The following BBS9 variants were observed in gnomAD, a reference collection of about 807,000 sequenced individuals.
The protein encoded by BBS9 is Bardet-Biedl syndrome 9.
Under a neutral mutation model 117.7 loss-of-function variants are expected in BBS9, and 89 were observed. That is an observed-to-expected ratio of 0.76 (90% CI 0.64 to 0.90). The LOEUF (loss-of-function observed/expected upper bound fraction) is 0.90, where lower values mean the gene tolerates loss of function less well. Among genes scored for constraint, BBS9 ranks in the 40% least tolerant of loss-of-function variants. The pLI, the probability that BBS9 is intolerant of heterozygous loss-of-function variation, is 0.00. For missense variants in BBS9, 982 were observed against 1,042.2 expected, an observed-to-expected ratio of 0.94 and a Z score of 0.80; for synonymous variants, 379 against 370.9, an observed-to-expected ratio of 1.02 and a Z score of -0.25.
intron 19 of BBS9, among the ~76,000 whole-genome samples, chr7:33,425,637 G>A (rs73314923): frequency 0.02 from 2,978 of 152,272 alleles, 89 homozygotes; most frequent in African/African-American, 0.067. Flanking sequence ...AGCAGCTTGC[G>A]TGTCTGGTCT....
chr7:33,476,389 C>A (rs865999879), intron 19 of BBS9, among the ~76,000 whole-genome samples: 1 of 152,182 alleles, frequency 6.6e-6, no homozygotes, highest in Non-Finnish European at 1.5e-5. Context: ...AGGCATTTCT[C>A]AGGATCCACG....
chr7:33,225,936 C>G (rs932622407), intron 5 of BBS9, among the ~76,000 whole-genome samples: 2 of 152,168 alleles, frequency 1.3e-5, no homozygotes, highest in Non-Finnish European at 2.9e-5. Flanking sequence ...CATATATGTA[C>G]ACATGTGTGT....
chr7:33,243,759 T>G (rs1159829748), intron 5 of BBS9, among the ~76,000 whole-genome samples: 1 of 152,194 alleles, frequency 6.6e-6, no homozygotes, highest in Admixed American at 6.5e-5. Context: ...GTTAAAGTTT[T>G]GGATGGTCTT....
At chr7:33,479,145 G>A (rs1322980302) in intron 19 of BBS9, among the ~76,000 whole-genome samples, 2 of 151,772 alleles carry the variant, frequency 1.3e-5, no homozygotes, top group Admixed American at 6.6e-5. Context: ...GATTTTCTAC[G>A]TGGGTAAATT....
intron 21 of BBS9, among the ~76,000 whole-genome samples, chr7:33,618,939 CGA>C (rs1322432712): frequency 6.6e-6 from 1 of 151,712 alleles, no homozygotes; most frequent in Non-Finnish European, 1.5e-5. Context: ...AAGAAGACAG[CGA>C]GAGAGGAAGA....
At chr7:33,420,769 C>T (rs572133200) in intron 19 of BBS9, among the ~76,000 whole-genome samples, 2 of 152,152 alleles carry the variant, frequency 1.3e-5, no homozygotes, top group African/African-American at 2.4e-5. Flanking sequence ...TCTTTCCAGG[C>T]AGACAGGCCA....
At chr7:33,287,774 T>A (rs1803179147) in intron 9 of BBS9, among the ~76,000 whole-genome samples, 1 of 152,208 alleles carries the variant, frequency 6.6e-6, no homozygotes, top group Admixed American at 6.5e-5. Flanking sequence ...GTTTTGTGTG[T>A]GTAATATTTA....
At chr7:33,517,530 T>C (rs953226968) in intron 20 of BBS9, among the ~76,000 whole-genome samples, 2 of 152,228 alleles carry the variant, frequency 1.3e-5, no homozygotes, top group African/African-American at 4.8e-5. Flanking sequence ...CAGAGTTCTC[T>C]GGCAGGAGTG....
At chr7:33,437,105 T>G (rs1052148223) in intron 19 of BBS9, among the ~76,000 whole-genome samples, 1 of 152,236 alleles carries the variant, frequency 6.6e-6, no homozygotes, top group African/African-American at 2.4e-5. Flanking sequence ...GGAATCTATC[T>G]GTCCATCACA....
intron 19 of BBS9, among the ~76,000 whole-genome samples, chr7:33,487,303 A>G (rs911462383): frequency 6.6e-6 from 1 of 152,206 alleles, no homozygotes; most frequent in Non-Finnish European, 1.5e-5. Flanking sequence ...CTTTCCATGT[A>G]AATTAGCTGA....
At chr7:33,571,866 A>G (rs1281515672) in intron 21 of BBS9, among the ~76,000 whole-genome samples, 2 of 152,074 alleles carry the variant, frequency 1.3e-5, no homozygotes, top group Non-Finnish European at 2.9e-5. Context: ...CAAGGATACC[A>G]TTGGCAATGA....
intron 19 of BBS9, among the ~76,000 whole-genome samples, chr7:33,470,738 A>G (rs1292869479): frequency 6.6e-6 from 1 of 152,196 alleles, no homozygotes; most frequent in Non-Finnish European, 1.5e-5. Context: ...AAGAACAATC[A>G]CACACAAGTT....
intron 9 of BBS9, among the ~76,000 whole-genome samples, chr7:33,294,239 C>A (rs1363573292): frequency 1.3e-5 from 2 of 151,992 alleles, no homozygotes; most frequent in Non-Finnish European, 2.9e-5. Context: ...CCCTCCCCCC[C>A]ATATGCCAAA....
chr7:33,570,790 G>A (rs1164863809), intron 21 of BBS9, among the ~76,000 whole-genome samples: 2 of 152,124 alleles, frequency 1.3e-5, no homozygotes, highest in Non-Finnish European at 2.9e-5. Context: ...AGTGACAAAG[G>A]CACACAACCT....
intron 19 of BBS9, among the ~76,000 whole-genome samples, chr7:33,436,134 CA>C (rs1713090507): frequency 6.6e-6 from 1 of 152,150 alleles, no homozygotes; most frequent in South Asian, 2.1e-4. Context: ...AAGCTGGAGC[CA>C]ACACAGTTTG....
At chr7:33,199,841 C>T (rs1285063255) in intron 5 of BBS9, among the ~76,000 whole-genome samples, 1 of 151,728 alleles carries the variant, frequency 6.6e-6, no homozygotes, top group Non-Finnish European at 1.5e-5. Flanking sequence ...TATTGTTATA[C>T]ATTTAAAAAT....
intron 19 of BBS9, among the ~76,000 whole-genome samples, chr7:33,492,214 CA>C (rs767399661): frequency 3.6e-5 from 4 of 110,620 alleles, no homozygotes; most frequent in East Asian, 2.7e-4. Flanking sequence ...AAAAAAAAAA[CA>C]AAAAAAAAAC....
Position 33,139,772 on chromosome 7 carries a change from G to A in BBS9, c.-11-6470G>A, listed in dbSNP as rs370987090. ...TTTCTCTCCTTGAGACTTTTGAACC[G>A]GCTGATGCAGGAGTGAGCAGAGGAT... is the stretch of plus-strand genomic sequence containing the variant. On this transcript the variant is annotated intron_variant, in intron 1 of 22. Transcript: ENST00000242067. Among the ~76,000 whole-genome samples the A allele has an allele frequency of 1.2e-4, 19 of 152,176 alleles. 1 individual carries two copies. In the East Asian group the frequency reaches 1.4e-3, roughly 11 times the overall value.
Position 33,416,938 on chromosome 7 carries a change from C to T in BBS9, c.2115+28794C>T, listed in dbSNP as rs548228278. 1.1e-4 allele frequency among the ~76,000 whole-genome samples: 16 copies of T among 152,220 alleles called. No individual in the cohort carries two copies. In the South Asian group the frequency reaches 3.3e-3, roughly 32 times the overall value. ...TAGGTTTCTTTCTATGAAAATCTTT[C>T]ATTTATCTACACTTGCTCAATAGAT... On this transcript the variant is annotated intron_variant, in intron 19 of 22. Transcript: ENST00000242067.
Sources: allele counts gnomAD v4.1 joint callset (sites outside exome capture counted in the v4.1 genomes callset), GRCh38; gene constraint gnomAD v4.1.1; transcripts MANE v1.5; gene names NCBI Gene and HGNC (gene_info 2026-07-23, HGNC 2026-07-21).